DLG2: variants seen among roughly 807,000 people sequenced by gnomAD.
DLG2 encodes the protein discs large MAGUK scaffold protein 2.
A neutral mutation model predicts 132.5 loss-of-function variants in DLG2; 45 were observed. That is an observed-to-expected ratio of 0.34 (90% CI 0.27 to 0.44). The LOEUF (loss-of-function observed/expected upper bound fraction) is 0.44, where lower values mean the gene tolerates loss of function less well. Among genes scored for constraint, DLG2 ranks in the 20% least tolerant of loss-of-function variants. The pLI, the probability that DLG2 is intolerant of heterozygous loss-of-function variation, is 1.00. For missense variants in DLG2, 1,045 were observed against 1,196.9 expected, an observed-to-expected ratio of 0.87 and a Z score of 1.87; for synonymous variants, 424 against 419.6, an observed-to-expected ratio of 1.01 and a Z score of -0.13.
intron 6 of DLG2, among the ~76,000 whole-genome samples, chr11:84,554,839 A>G (rs1405398060): frequency 2.0e-5 from 3 of 152,222 alleles, no homozygotes; most frequent in African/African-American, 7.2e-5. Context: ...GAGAATGTCA[A>G]GGATGCTTTC....
At chr11:84,689,875 CA>C (rs1305200665) in intron 6 of DLG2, among the ~76,000 whole-genome samples, 1 of 151,614 alleles carries the variant, frequency 6.6e-6, no homozygotes, top group African/African-American at 2.4e-5. Flanking sequence ...GAAAAAGAGA[CA>C]AAAAAGTTCA....
chr11:83,806,761 G>T (rs942952497), intron 17 of DLG2, among the ~76,000 whole-genome samples: 2 of 152,056 alleles, frequency 1.3e-5, no homozygotes, highest in Admixed American at 1.3e-4. Context: ...GAAGCCTTAA[G>T]GTTCACAAAG....
chr11:84,840,070 A>G (rs2080413339), intron 6 of DLG2, among the ~76,000 whole-genome samples: 1 of 152,168 alleles, frequency 6.6e-6, no homozygotes, highest in African/African-American at 2.4e-5. Context: ...GAATGGGAGA[A>G]AATTTTTGCA....
chr11:85,525,315 T>C (rs1458782593), intron 3 of DLG2, among the ~76,000 whole-genome samples: 1 of 152,204 alleles, frequency 6.6e-6, no homozygotes, highest in Non-Finnish European at 1.5e-5. Context: ...CTTTTAAAAA[T>C]TGTATTTGAT....
chr11:84,078,053 T>C (rs2096852306), intron 10 of DLG2, among the ~76,000 whole-genome samples: 1 of 152,316 alleles, frequency 6.6e-6, no homozygotes, highest in Non-Finnish European at 1.5e-5. Flanking sequence ...AAATATATTA[T>C]GAAATTCAAC....
intron 14 of DLG2, among the ~76,000 whole-genome samples, chr11:83,937,092 T>A (rs1290507122): frequency 6.6e-6 from 1 of 152,092 alleles, no homozygotes. Context: ...ATTGAACTCA[T>A]AGGATAAATA....
intron 18 of DLG2, among the ~76,000 whole-genome samples, chr11:83,717,131 A>G (rs2086891325): frequency 6.6e-6 from 1 of 152,206 alleles, no homozygotes; most frequent in Non-Finnish European, 1.5e-5. Flanking sequence ...TTTTCGAGAA[A>G]GTACAGTATA....
At chr11:84,292,871 C>T (rs1376018696) in intron 7 of DLG2, among the ~76,000 whole-genome samples, 2 of 151,698 alleles carry the variant, frequency 1.3e-5, no homozygotes, top group African/African-American at 4.8e-5. Flanking sequence ...TATCTTGGGC[C>T]ACACATAAAA....
In DLG2 at chr11:84,251,637, C is replaced by CTTTTT. The variant is rs369651884; in HGVS notation, c.520-347_520-346insAAAAA. On this transcript the variant is annotated intron_variant, in intron 7 of 27. Transcript: ENST00000376104. Reference sequence around the variant, plus strand: ...GTAAGAGTTAAAACTTGTATCTTTTCTTTCTTTTTTTTTTTTTTTTGTGAG... The same window carrying CTTTTT: ...GTAAGAGTTAAAACTTGTATCTTTTCTTTTTTTTCTTTTTTTTTTTTTTTTGTGAG... Among the ~76,000 whole-genome samples the CTTTTT allele has an allele frequency of 3.0e-3, 396 of 129,938 alleles. 37 individuals are homozygous for CTTTTT. Among genetic ancestry groups the CTTTTT allele is most frequent in the African/African-American group, 3.3e-3 (115 of 34,586 alleles). The allele number at this position is 129,938 out of a possible 152,430, so 85.2% of individuals were successfully genotyped here.
At chr11:85,155,783 T>C (rs1201457229) in intron 4 of DLG2, among the ~76,000 whole-genome samples, 1 of 148,904 alleles carries the variant, frequency 6.7e-6, no homozygotes, top group East Asian at 2.0e-4. Flanking sequence ...GGCAGGAGAG[T>C]CACTTGAACC....
At chr11:83,830,741 G>A (rs1377209173) in intron 17 of DLG2, among the ~76,000 whole-genome samples, 3 of 152,198 alleles carry the variant, frequency 2.0e-5, no homozygotes, top group Admixed American at 2.0e-4. Context: ...AGTAGCTGTG[G>A]AGACATAGAC....
chr11:85,280,847 T>C (rs558760413), intron 4 of DLG2, among the ~76,000 whole-genome samples: 11 of 152,158 alleles, frequency 7.2e-5, no homozygotes, highest in African/African-American at 1.9e-4. Context: ...TCGGAATAGA[T>C]GCTTCTTTTA....
At chr11:84,513,781 A>C (rs11234062) in intron 7 of DLG2, among the ~76,000 whole-genome samples, 14,129 of 149,726 alleles carry the variant, frequency 0.094, 765 homozygotes, top group South Asian at 0.19. Flanking sequence ...AGGCCCCCCA[A>C]AAAAAAAAAT....
At chr11:83,842,185 T>C (rs1318950540) in intron 16 of DLG2, among the ~76,000 whole-genome samples, 1 of 152,174 alleles carries the variant, frequency 6.6e-6, no homozygotes, top group African/African-American at 2.4e-5. Context: ...AGCATAATCT[T>C]ACTCAGCTGG....
intron 18 of DLG2, among the ~76,000 whole-genome samples, chr11:83,730,559 A>G (rs1430658359): frequency 6.6e-6 from 1 of 152,148 alleles, no homozygotes; most frequent in African/African-American, 2.4e-5. Flanking sequence ...CTGCTTTTCT[A>G]CCAGGGAGAG....
chr11:84,595,283 T>C (rs1593233787), intron 6 of DLG2, among the ~76,000 whole-genome samples: 1 of 152,096 alleles, frequency 6.6e-6, no homozygotes, highest in Admixed American at 6.6e-5. Context: ...TTTTGTATTA[T>C]TTTGAGATTT....
chr11:85,263,179 A>G (rs76963567), intron 4 of DLG2, among the ~76,000 whole-genome samples: 3,038 of 152,334 alleles, frequency 0.02, 45 homozygotes, highest in Non-Finnish European at 0.032. Flanking sequence ...TGAATACTGC[A>G]TGAGCAACCC....
chr11:84,954,408 T>C (rs2051366219), intron 6 of DLG2, among the ~76,000 whole-genome samples: 1 of 149,500 alleles, frequency 6.7e-6, no homozygotes, highest in Non-Finnish European at 1.5e-5. Context: ...TCAAGGAAAG[T>C]AGTGAGGAAT....
chr11:84,111,829 G>T (rs2093364876), intron 9 of DLG2, among the ~76,000 whole-genome samples: 1 of 151,940 alleles, frequency 6.6e-6, no homozygotes, highest in Admixed American at 6.6e-5. Context: ...TTTTCCATTG[G>T]CTCCTCTCTC....
Sources: gnomAD v4.1 joint callset for allele counts (sites outside exome capture counted in the v4.1 genomes callset) on GRCh38, gnomAD v4.1.1 for gene constraint, MANE v1.5 for transcripts, NCBI Gene and HGNC (gene_info 2026-07-23, HGNC 2026-07-21) for gene names.